ARHGAP35: variants seen among roughly 807,000 people sequenced by gnomAD.
The protein encoded by ARHGAP35 is rho GTPase-activating protein 35.
Under a neutral mutation model 111.1 loss-of-function variants are expected in ARHGAP35, and 15 were observed. The observed-to-expected ratio is 0.13, with a 90% confidence interval of 0.09 to 0.21. The LOEUF is 0.21. Among genes scored for constraint, ARHGAP35 ranks in the 10% least tolerant of loss-of-function variants. The pLI is 1.00. For missense variants in ARHGAP35, 1,262 were observed against 1,873.0 expected (o/e 0.67, Z 6.02); for synonymous variants, 643 against 710.3 (o/e 0.91, Z 1.51).
Position 46,901,919 on chromosome 19 carries a change from C to G in ARHGAP35, c.-188-16569C>G, listed in dbSNP as rs116910739. On this transcript the variant is annotated intron_variant, in intron 1 of 6. Transcript: ENST00000672722. This position sits in a 1 kb window ranked among gnomAD's most constrained non-coding sequence, Gnocchi z 4.5. The stretch of plus-strand genomic sequence containing the variant: ...TTTATCTGTGTATGCTTTCCCTCCC[C>G]CTGCAAGATTTAATGACCTAGCCAG... Among the ~76,000 whole-genome samples the G allele has an allele frequency of 4.3e-4, 66 of 152,286 alleles. No individual in the cohort carries two copies. The highest frequency in any genetic ancestry group is 6.9e-4 in the Non-Finnish European group (47 of 68,026).
chr19:46,909,202 T>C (rs1599811272), intron 1 of ARHGAP35, among the ~76,000 whole-genome samples: 1 of 151,912 alleles, frequency 6.6e-6, no homozygotes, highest in African/African-American at 2.4e-5. Context: ...ACTCAGGAGG[T>C]TGAGGTGGCA....
intron 1 of ARHGAP35, among the ~76,000 whole-genome samples, chr19:46,862,885 G>A (rs184544734): frequency 1.3e-5 from 2 of 151,696 alleles, no homozygotes; most frequent in African/African-American, 2.4e-5. Context: ...GTCTTCTTTT[G>A]GAGTTCTCAC....
intron 2 of ARHGAP35, among the ~76,000 whole-genome samples, chr19:46,934,402 C>G (rs2056291957): frequency 6.6e-6 from 1 of 152,230 alleles, no homozygotes; most frequent in Non-Finnish European, 1.5e-5. Flanking sequence ...CAGTCTTGCT[C>G]TGTCGCCCAG....
intron 2 of ARHGAP35, 117 bp from the exon 3 acceptor site, chr19:46,937,147 G>A: frequency 7.8e-7 from 1 of 1,281,322 alleles, no homozygotes; most frequent in South Asian, 1.4e-5. Context: ...GCCACTTCTT[G>A]ACATTCTTTC....
At chr19:46,892,468 CAAA>C (rs982546554) in intron 1 of ARHGAP35, among the ~76,000 whole-genome samples, 6 of 67,096 alleles carry the variant, frequency 8.9e-5, no homozygotes, top group African/African-American at 5.7e-5. Flanking sequence ...AACCCTGTCT[CAAA>C]AAAAAAAAAA....
At chr19:46,969,150 T>G (rs1340581616) in intron 3 of ARHGAP35, among the ~76,000 whole-genome samples, 1 of 151,590 alleles carries the variant, frequency 6.6e-6, no homozygotes, top group Non-Finnish European at 1.5e-5. Flanking sequence ...AAATTTGGAG[T>G]GGCTGCTCAT....
chr19:46,940,223 G>A (rs2056338401), intron 3 of ARHGAP35, among the ~76,000 whole-genome samples: 2 of 152,110 alleles, frequency 1.3e-5, no homozygotes, highest in South Asian at 4.1e-4. Context: ...GCCAGGCTTG[G>A]TGGTGCATGC....
In ARHGAP35 at chr19:46,908,724, G is replaced by A. The variant is rs1162701512; in HGVS notation, c.-188-9764G>A. ...TTGATTTCATCCTGTGGATAACATAGCTTAGAAATTCTGTTTCTTTGGGAC... is the reference window on the plus strand; with the variant it reads ...TTGATTTCATCCTGTGGATAACATAACTTAGAAATTCTGTTTCTTTGGGAC... On this transcript the variant is annotated intron_variant, in intron 1 of 6. Coordinates refer to ENST00000672722, the MANE Select transcript of ARHGAP35 (RefSeq NM_004491.5). The surrounding 1 kb of genome is among the most constrained non-coding windows in gnomAD (Gnocchi z 4.2). 6.6e-6 allele frequency among the ~76,000 whole-genome samples: 1 copy of A among 152,168 alleles called. No individual in the cohort carries two copies.
intron 1 of ARHGAP35, among the ~76,000 whole-genome samples, chr19:46,890,182 A>G (rs565756820): frequency 6.6e-6 from 1 of 152,010 alleles, no homozygotes; most frequent in South Asian, 2.1e-4. Context: ...CCTGCCTTTT[A>G]TTTTTCCCTG....
At chr19:46,961,977 A>G (rs763687838) in intron 3 of ARHGAP35, among the ~76,000 whole-genome samples, 9 of 151,696 alleles carry the variant, frequency 5.9e-5, no homozygotes, top group Non-Finnish European at 1.2e-4. Context: ...AGAAAGAGAG[A>G]AAGGAAGGAA....
intron 2 of ARHGAP35, among the ~76,000 whole-genome samples, chr19:46,927,152 G>T (rs993656551): frequency 6.6e-6 from 1 of 152,174 alleles, no homozygotes; most frequent in African/African-American, 2.4e-5. Flanking sequence ...TTTAAACGAG[G>T]TACTTTTGTT....
At chr19:46,879,816 T>C (rs1369130652) in intron 1 of ARHGAP35, among the ~76,000 whole-genome samples, 1 of 141,552 alleles carries the variant, frequency 7.1e-6, no homozygotes, top group Non-Finnish European at 1.5e-5. Context: ...CTGGGTGCAG[T>C]GGCCAACCCC....
At chr19:46,917,902 C>G (rs1373122020) in intron 1 of ARHGAP35, among the ~76,000 whole-genome samples, 1 of 152,006 alleles carries the variant, frequency 6.6e-6, no homozygotes, top group Non-Finnish European at 1.5e-5. Context: ...TTAGTACAGA[C>G]GGGGTTTCAC....
intron 1 of ARHGAP35, among the ~76,000 whole-genome samples, chr19:46,871,824 C>CA (rs1177005593): frequency 6.6e-6 from 1 of 151,530 alleles, no homozygotes; most frequent in Admixed American, 6.6e-5. Context: ...ACTAAAAACA[C>CA]AAAAAATTAG....
chr19:46,887,640 C>T (rs188667903), intron 1 of ARHGAP35, among the ~76,000 whole-genome samples: 2 of 152,248 alleles, frequency 1.3e-5, no homozygotes, highest in Non-Finnish European at 2.9e-5. Context: ...CTGCCCACTT[C>T]CCTCCTTCAA....
At chr19:46,978,705 A>ATATGTGTGTGTGGTGGGG (rs1568485641) in intron 3 of ARHGAP35, among the ~76,000 whole-genome samples, 4 of 21,564 alleles carry the variant, frequency 1.9e-4, no homozygotes, top group Admixed American at 5.3e-4. Flanking sequence ...GTGGTGGGGC[A>ATATGTGTGTGTGGTGGGG]TGTGTGTGGT....
Position 46,937,374 on chromosome 19 carries a change from T to C in ARHGAP35, c.3792T>C (p.Phe1264=). 1.2e-6 allele frequency: 2 copies of C among 1,614,024 alleles called. No individual in the cohort carries two copies. The highest frequency in any genetic ancestry group is 1.7e-6 in the Non-Finnish European group (2 of 1,179,878). ...VVTPEKPIPI[F]IERCIEYIEA... is the part of the protein sequence containing the mutation. ...CTCCAGAGAAGCCGATCCCCATTTT[T>C]ATTGAAAGATGTATTGAGTACATTG... The change falls in exon 3 of 7, where the codon TTT becomes TTC. Residue 1264 remains phenylalanine, a synonymous_variant. Transcript: ENST00000672722.
At chr19:46,969,205 G>C (rs1425794928) in intron 3 of ARHGAP35, among the ~76,000 whole-genome samples, 1 of 152,068 alleles carries the variant, frequency 6.6e-6, no homozygotes, top group Non-Finnish European at 1.5e-5. Context: ...TAAAATTGTG[G>C]TGATACTTGT....
intron 3 of ARHGAP35, among the ~76,000 whole-genome samples, chr19:46,983,054 C>CAAAAAAAAAAA (rs71179281): frequency 8.4e-5 from 4 of 47,644 alleles, no homozygotes; most frequent in Non-Finnish European, 1.0e-4. Context: ...ACCTTGTGTA[C>CAAAAAAAAAAA]AAAAAAAAAA....
Sources: gnomAD v4.1 joint callset for allele counts (sites outside exome capture counted in the v4.1 genomes callset) on GRCh38, gnomAD v4.1.1 for gene constraint, Gnocchi (gnomAD v3.1) non-coding constraint, MANE v1.5 for transcripts, NCBI Gene and HGNC (gene_info 2026-07-23, HGNC 2026-07-21) for gene names.